CACNA1B: variants seen among roughly 807,000 people sequenced by gnomAD.
CACNA1B encodes voltage-dependent N-type calcium channel subunit alpha-1B.
Under a neutral mutation model 247.2 loss-of-function variants are expected in CACNA1B, and 70 were observed. The ratio of observed to expected loss-of-function variants is 0.28; its 90% CI spans 0.23 to 0.35. CACNA1B has a LOEUF of 0.35. Ranked by LOEUF, CACNA1B falls within the 10% of genes least tolerant of loss-of-function variation. The probability of loss-of-function intolerance (pLI) is 1.00; values close to 1 mark genes in which losing one functional copy is unlikely to be tolerated. For missense variants in CACNA1B, 2,367 were observed against 3,197.4 expected (o/e 0.74, Z 6.26); for synonymous variants, 1,231 against 1,294.4 (o/e 0.95, Z 1.05).
intron 3 of CACNA1B, among the ~76,000 whole-genome samples, chr9:137,894,173 G>A (rs1178484487): frequency 6.6e-6 from 1 of 152,164 alleles, no homozygotes; most frequent in Non-Finnish European, 1.5e-5. Flanking sequence ...AGGCCATGCT[G>A]TAGTCACATT....
At chr9:138,070,708 C>G (rs899897644) in intron 32 of CACNA1B, among the ~76,000 whole-genome samples, 20 of 152,260 alleles carry the variant, frequency 1.3e-4, no homozygotes, top group African/African-American at 4.8e-4. Flanking sequence ...ACGCATCCAG[C>G]TCGTGCCAGT....
chr9:138,023,958 T>C (rs1958887490), intron 19 of CACNA1B, 147 bp downstream of exon 19: 1 of 594,666 alleles, frequency 1.7e-6, no homozygotes, highest in Non-Finnish European at 3.0e-6. Flanking sequence ...CTGGGGTCTC[T>C]GCATGCCGTT....
chr9:138,062,380 G>A (rs956822507), intron 31 of CACNA1B, among the ~76,000 whole-genome samples: 1 of 152,216 alleles, frequency 6.6e-6, no homozygotes, highest in African/African-American at 2.4e-5. Flanking sequence ...GTGATGGCGG[G>A]AGTGAGGTGA....
intron 18 of CACNA1B, among the ~76,000 whole-genome samples, chr9:138,019,836 C>T (rs532566233): frequency 2.6e-5 from 4 of 152,240 alleles, no homozygotes; most frequent in Non-Finnish European, 5.9e-5. Flanking sequence ...CGCTGGCTCA[C>T]ACCTGTAATC....
chr9:138,057,921 G>A lies in CACNA1B; in HGVS notation c.4106+52G>A, dbSNP rs781521207. On this transcript the variant is annotated intron_variant, in intron 27 of 46. Coordinates refer to ENST00000371372, the MANE Select transcript of CACNA1B (RefSeq NM_000718.4). This position sits in a 1 kb window ranked among gnomAD's most constrained non-coding sequence, Gnocchi z 4.0. Reference sequence around the variant, plus strand: ...CTGGGGCAGGCAGCCCCTGAGCTCGGCCTCCCTTCCTCCCTCTATCCCTGG... The same window carrying A: ...CTGGGGCAGGCAGCCCCTGAGCTCGACCTCCCTTCCTCCCTCTATCCCTGG... 18 of 1,586,274 alleles carry A rather than the reference G, an allele frequency of 1.1e-5. No homozygotes were observed. Among genetic ancestry groups the A allele is most frequent in the South Asian group, 2.2e-5 (2 of 89,130 alleles).
At chr9:137,889,368 T>G (rs1389488820) in intron 3 of CACNA1B, among the ~76,000 whole-genome samples, 2 of 149,732 alleles carry the variant, frequency 1.3e-5, no homozygotes, top group African/African-American at 4.8e-5. Flanking sequence ...GGAAATGGCC[T>G]TTGTAGGCCC....
intron 21 of CACNA1B, among the ~76,000 whole-genome samples, chr9:138,046,024 G>A (rs749229369): frequency 3.9e-5 from 6 of 152,278 alleles, no homozygotes; most frequent in Admixed American, 1.3e-4. Context: ...CTCCGTCCAC[G>A]GCTGCCTCTT....
At chr9:137,908,913 G>A (rs984712721) in intron 3 of CACNA1B, among the ~76,000 whole-genome samples, 4 of 152,026 alleles carry the variant, frequency 2.6e-5, no homozygotes, top group Non-Finnish European at 4.4e-5. Context: ...TTATGGGCGT[G>A]AGCCACCACA....
In CACNA1B at chr9:137,973,375, C is replaced by T. The variant is rs943880840; in HGVS notation, c.1543+1783C>T. 6.6e-6 allele frequency among the ~76,000 whole-genome samples: 1 copy of T among 152,178 alleles called. No individual in the cohort carries two copies. The highest frequency in any genetic ancestry group is 6.5e-5 in the Admixed American group (1 of 15,284). On this transcript the variant is annotated intron_variant, in intron 11 of 46. Transcript: ENST00000371372. The surrounding 1 kb of genome is among the most constrained non-coding windows in gnomAD (Gnocchi z 4.1). ...GCCAGAGGCGAGGGGGTGTGGCCGC[C>T]CAGCCTAGAGCAGCTTTGCAGGGGC...
chr9:137,966,826 C>T (rs1222228418), intron 10 of CACNA1B, among the ~76,000 whole-genome samples: 1 of 152,208 alleles, frequency 6.6e-6, no homozygotes, highest in Non-Finnish European at 1.5e-5. Context: ...GCGTGAGCCA[C>T]CGCACCCAGC....
At chr9:138,107,300 G>GA (rs1460016809) in intron 39 of CACNA1B, among the ~76,000 whole-genome samples, 1 of 151,152 alleles carries the variant, frequency 6.6e-6, no homozygotes, top group Non-Finnish European at 1.5e-5. Flanking sequence ...AGGCTGGAGT[G>GA]CAGTGGTGCA....
rs778401836 is a variant in CACNA1B, at chr9:137,898,683, T to A, written c.531-14497T>A. 5.7e-3 allele frequency among the ~76,000 whole-genome samples: 795 copies of A among 140,286 alleles called. 7 individuals carry two copies. The highest frequency in any genetic ancestry group is 0.031 in the Middle Eastern group (8 of 262). 92.0% of individuals were successfully genotyped at this position (140,286 alleles called of 152,430 possible). On this transcript the variant is annotated intron_variant, in intron 3 of 46. Coordinates refer to ENST00000371372, the MANE Select transcript of CACNA1B (RefSeq NM_000718.4). The stretch of plus-strand genomic sequence containing the variant: ...ACCAAGCCTGAATACTTAAAAAAAA[T>A]TTTTTTTTTTTTTTTTGAGATGGAG...
chr9:138,059,761 T>C lies in CACNA1B; in HGVS notation c.4668+24T>C. On this transcript the variant is annotated intron_variant, in intron 31 of 46. Coordinates refer to ENST00000371372, the MANE Select transcript of CACNA1B (RefSeq NM_000718.4). The surrounding 1 kb of genome is among the most constrained non-coding windows in gnomAD (Gnocchi z 4.2). Reference sequence around the variant, plus strand: ...CGGTAAGTAGCATTTCTGTCCCTCCTTCAGGGTCCCCAGGTGGTTTCCTTC... The same window carrying C: ...CGGTAAGTAGCATTTCTGTCCCTCCCTCAGGGTCCCCAGGTGGTTTCCTTC... The C allele has an allele frequency of 7.2e-7, 1 of 1,391,960 alleles. No homozygotes were observed. The highest frequency in any genetic ancestry group is 2.3e-5 in the East Asian group (1 of 43,814). The allele number at this position is 1,391,960 out of a possible 1,614,324, so 86.2% of individuals were successfully genotyped here. A position where few individuals can be genotyped will look rare whatever the true frequency, so the allele number is the denominator to read the frequency against.
At chr9:137,895,640 G>A (rs971930102) in intron 3 of CACNA1B, among the ~76,000 whole-genome samples, 1 of 152,124 alleles carries the variant, frequency 6.6e-6, no homozygotes, top group Non-Finnish European at 1.5e-5. Flanking sequence ...TTTGGTATCT[G>A]TATGTCCATT....
At position 137,971,044 on chromosome 9, in the gene CACNA1B, C is replaced by T. The variant is rs1404186820; in HGVS notation, c.1334-339C>T. On this transcript the variant is annotated intron_variant, in intron 10 of 46. Transcript: ENST00000371372. This position sits in a 1 kb window ranked among gnomAD's most constrained non-coding sequence, Gnocchi z 4.4. ...GGGAGGGACTAACTCAGATTTATGT[C>T]TTCAGGGGAAAAAGCTTGGGGTGCT... Among the ~76,000 whole-genome samples, 1 of 152,118 alleles carries T rather than the reference C, an allele frequency of 6.6e-6. No individual in the cohort carries two copies. The highest frequency in any genetic ancestry group is 1.5e-5 in the Non-Finnish European group (1 of 67,998).
intron 6 of CACNA1B, among the ~76,000 whole-genome samples, chr9:137,946,900 A>G (rs955008041): frequency 6.6e-6 from 1 of 152,238 alleles, no homozygotes; most frequent in Admixed American, 6.5e-5. Flanking sequence ...GGTCTTGACT[A>G]TGAGTCATCC....
chr9:137,948,281 G>A (rs1042828420), intron 6 of CACNA1B, among the ~76,000 whole-genome samples: 2 of 152,146 alleles, frequency 1.3e-5, no homozygotes, highest in Non-Finnish European at 2.9e-5. Flanking sequence ...ACGCCTGGCC[G>A]TATTTCTTTA....
intron 26 of CACNA1B, among the ~76,000 whole-genome samples, chr9:138,056,758 G>A (rs565917666): frequency 6.6e-6 from 1 of 152,098 alleles, no homozygotes; most frequent in African/African-American, 2.4e-5. Flanking sequence ...TTTAGTTTTG[G>A]TATTTTTTAA....
At chr9:138,090,404 C>T (rs1278009464) in intron 36 of CACNA1B, among the ~76,000 whole-genome samples, 1 of 151,932 alleles carries the variant, frequency 6.6e-6, no homozygotes, top group Non-Finnish European at 1.5e-5. Flanking sequence ...AAAGCCAACT[C>T]AAAATGGATC....
Sources: allele counts gnomAD v4.1 joint callset (sites outside exome capture counted in the v4.1 genomes callset), GRCh38; gene constraint gnomAD v4.1.1; non-coding constraint Gnocchi (gnomAD v3.1); transcripts MANE v1.5; gene names NCBI Gene and HGNC (gene_info 2026-07-23, HGNC 2026-07-21).